Variants in CAV1 observed in about 807,000 individuals in gnomAD.
CAV1 encodes the protein caveolin 1.
In CAV1, 10 loss-of-function variants were observed where a neutral mutation model predicts 16.5. That is an observed-to-expected ratio of 0.61 (90% CI 0.37 to 1.03). The LOEUF (loss-of-function observed/expected upper bound fraction) is 1.03, where lower values mean the gene tolerates loss of function less well. Among genes scored for constraint, CAV1 ranks in the 50% least tolerant of loss-of-function variants. The pLI is 0.01. For synonymous variants in CAV1, 76 were observed against 85.1 expected (o/e 0.89, Z 0.59); for missense variants, 212 against 232.8 (o/e 0.91, Z 0.58).
chr7:116,525,487 C>A, intron 1 of CAV1: 2 of 1,288,296 alleles, frequency 1.6e-6, no homozygotes, highest in Non-Finnish European at 2.0e-6. Context: ...GTGTTATTTA[C>A]CCGAGTCCTG....
Position 116,526,600 on chromosome 7 carries a change from C to T in CAV1, c.106C>T (p.Leu36=). The change falls in exon 2 of 3, where the codon CTG becomes TTG. Residue 36 remains leucine (L), a synonymous_variant. Transcript: ENST00000341049. ...CAACAACAAGGCCATGGCAGACGAG[C>T]TGAGCGAGAAGCAAGTGTACGACGC... is the stretch of plus-strand genomic sequence containing the variant. The part of the protein sequence containing the change: ...KPNNKAMADE[L]SEKQVYDAHT... 1 of 1,614,170 alleles carries T rather than the reference C, an allele frequency of 6.2e-7. No individual in the cohort carries two copies. Among genetic ancestry groups the T allele is most frequent in the Non-Finnish European group, 8.5e-7 (1 of 1,180,024 alleles).
At chr7:116,546,994 A>G (rs1361137612) in intron 2 of CAV1, among the ~76,000 whole-genome samples, 1 of 152,102 alleles carries the variant, frequency 6.6e-6, no homozygotes, top group African/African-American at 2.4e-5. Flanking sequence ...TTTGCTGGCA[A>G]TGTTTGGCAT....
intron 2 of CAV1, among the ~76,000 whole-genome samples, chr7:116,540,164 A>G (rs946386996): frequency 2.6e-5 from 4 of 152,160 alleles, no homozygotes; most frequent in Admixed American, 6.5e-5. Context: ...CCTCTATTCC[A>G]ATAGCACAGA....
At chr7:116,551,786 GA>G (rs2116068032) in intron 2 of CAV1, 1 of 152,236 alleles carries the variant, frequency 6.6e-6, no homozygotes, top group South Asian at 2.1e-4. Context: ...CTCAGGCTGG[GA>G]TCCTTTCAAG....
chr7:116,534,386 TA>T (rs1562830003), intron 2 of CAV1, among the ~76,000 whole-genome samples: 35 of 14,408 alleles, frequency 2.4e-3, no homozygotes, highest in East Asian at 0.012. Flanking sequence ...TATATATATA[TA>T]TATATATATT....
At chr7:116,544,256 C>A (rs577051659) in intron 2 of CAV1, among the ~76,000 whole-genome samples, 2 of 152,140 alleles carry the variant, frequency 1.3e-5, no homozygotes, top group Non-Finnish European at 2.9e-5. Context: ...CTAATTCTTA[C>A]GCCAGATAAT....
intron 2 of CAV1, chr7:116,542,646 C>G (rs1793963711): frequency 1.3e-5 from 2 of 152,222 alleles, no homozygotes; most frequent in Admixed American, 1.3e-4. Flanking sequence ...TTCTTGCACA[C>G]TGCTTTAGCA....
At chr7:116,534,395 A>ATATATATATTT (rs1442237865) in intron 2 of CAV1, among the ~76,000 whole-genome samples, 2 of 7,842 alleles carry the variant, frequency 2.6e-4, no homozygotes, top group Non-Finnish European at 5.2e-4. Flanking sequence ...ATATATATAT[A>ATATATATATTT]TTTTTTTTTT....
At position 116,559,079 on chromosome 7, in the gene CAV1, C is replaced by G; in HGVS notation, c.329C>G (p.Pro110Arg). 1 of 1,613,778 alleles carries G rather than the reference C, an allele frequency of 6.2e-7. No homozygotes were observed. Among genetic ancestry groups the G allele is most frequent in the Non-Finnish European group, 8.5e-7 (1 of 1,179,816 alleles). The change falls in exon 3 of 3, where the codon CCG becomes CGG. Residue 110 changes from proline (P) to arginine (R), a missense_variant. Physicochemically the swap from Pro to Arg is moderately radical, Grantham distance 103. Coordinates refer to ENST00000341049, the MANE Select transcript of CAV1 (RefSeq NM_001753.5). ...YRLLSALFGI[P>R]MALIWGIYFA... ...TTGCTGTCTGCCCTCTTTGGCATCC[C>G]GATGGCACTCATCTGGGGCATTTAC...
chr7:116,554,994 C>A (rs1794230462), intron 2 of CAV1, among the ~76,000 whole-genome samples: 1 of 152,138 alleles, frequency 6.6e-6, no homozygotes, highest in Admixed American at 6.5e-5. Context: ...GTATTCTCAT[C>A]TGTAAAATGG....
chr7:116,535,011 C>T (rs1793778388), intron 2 of CAV1, among the ~76,000 whole-genome samples: 1 of 152,188 alleles, frequency 6.6e-6, no homozygotes, highest in Non-Finnish European at 1.5e-5. Flanking sequence ...TCCATCCCTT[C>T]AGGCTACTTG....
intron 2 of CAV1, among the ~76,000 whole-genome samples, chr7:116,543,418 G>A (rs927390549): frequency 6.6e-6 from 1 of 152,184 alleles, no homozygotes; most frequent in Non-Finnish European, 1.5e-5. Context: ...ATGGCATGCT[G>A]AATGCAAAAG....
intron 2 of CAV1, among the ~76,000 whole-genome samples, chr7:116,543,691 A>G (rs1793983840): frequency 6.6e-6 from 1 of 152,182 alleles, no homozygotes; most frequent in Non-Finnish European, 1.5e-5. Context: ...AGAGAAGTGC[A>G]TAATTACTTG....
At position 116,525,515 on chromosome 7, in the gene CAV1, T is replaced by C. The variant is rs114917769; in HGVS notation, c.30+423T>C. On this transcript the variant is annotated intron_variant, in intron 1 of 2. Transcript: ENST00000341049. ...GAGTCCTGGGGACAGTCCCCGGGAC[T>C]CTCCGCCAGGCGCCCAGACCGGCAG... 5,140 of 1,237,166 alleles carry C rather than the reference T, an allele frequency of 4.2e-3. 156 individuals carry two copies. The African/African-American group carries it at 0.071, about 17-fold the overall frequency. The allele number at this position is 1,237,166 out of a possible 1,614,324, so 76.6% of individuals were successfully genotyped here. A position where few individuals can be genotyped will look rare whatever the true frequency, so the allele number is the denominator to read the frequency against.
intron 2 of CAV1, among the ~76,000 whole-genome samples, chr7:116,555,518 A>G (rs201735940): frequency 2.1e-3 from 29 of 14,036 alleles, no homozygotes; most frequent in African/African-American, 3.8e-3. Flanking sequence ...GAAAGAAAGA[A>G]AGAGAGAGAG....
chr7:116,558,731 T>G (rs369252726), intron 2 of CAV1, among the ~76,000 whole-genome samples: 13 of 152,010 alleles, frequency 8.6e-5, no homozygotes, highest in African/African-American at 2.9e-4. Context: ...CCAGCCTGGG[T>G]GACAGAGCAA....
chr7:116,525,648 A>C (rs1584765772), intron 1 of CAV1: 8 of 1,081,104 alleles, frequency 7.4e-6, no homozygotes, highest in East Asian at 7.7e-5. Context: ...AGAGAGGTAG[A>C]CCTCCCCTCC....
intron 2 of CAV1, 136 bp downstream of exon 2, chr7:116,526,825 G>A (rs961529730): frequency 4.0e-6 from 4 of 997,048 alleles, no homozygotes; most frequent in African/African-American, 3.2e-5. Flanking sequence ...CACACACAGA[G>A]TTTTGTGGGT....
intron 2 of CAV1, among the ~76,000 whole-genome samples, chr7:116,546,471 C>A (rs533928232): frequency 1.9e-3 from 284 of 151,720 alleles, no homozygotes; most frequent in Non-Finnish European, 3.4e-3. Context: ...GGGTGGATCA[C>A]CTGAGGTCAG....
Sources: gnomAD v4.1 joint callset for allele counts (sites outside exome capture counted in the v4.1 genomes callset) on GRCh38, gnomAD v4.1.1 for gene constraint, MANE v1.5 for transcripts, NCBI Gene and HGNC (gene_info 2026-07-23, HGNC 2026-07-21) for gene names.